ENTHD1: variants seen among roughly 807,000 people sequenced by gnomAD.
ENTHD1 encodes the protein ENTH domain-containing protein 1.
ENTHD1 carries 23 observed loss-of-function variants against 39.1 expected under a neutral mutation model. The observed-to-expected ratio is 0.59, with a 90% CI of 0.42 to 0.83. The LOEUF is 0.83. Ranked by LOEUF, ENTHD1 falls within the 40% of genes least tolerant of loss-of-function variation. The probability of loss-of-function intolerance (pLI) is 0.00; values close to 1 mark genes in which losing one functional copy is unlikely to be tolerated. For synonymous variants in ENTHD1, 230 were observed against 258.2 expected (o/e 0.89, Z 1.05); for missense variants, 624 against 705.4 (o/e 0.88, Z 1.31).
At chr22:39,881,980 A>G (rs1361867157) in intron 2 of ENTHD1, among the ~76,000 whole-genome samples, 1 of 152,218 alleles carries the variant, frequency 6.6e-6, no homozygotes, top group African/African-American at 2.4e-5. Context: ...TAACTAGGGC[A>G]GACTCCAGAT....
At chr22:39,881,388 G>A (rs1043581030) in intron 2 of ENTHD1, among the ~76,000 whole-genome samples, 31 of 152,164 alleles carry the variant, frequency 2.0e-4, no homozygotes, top group Non-Finnish European at 1.8e-4. Context: ...TAAATTCAGA[G>A]ATATATCACC....
In ENTHD1 at chr22:39,887,694, T is replaced by C; in HGVS notation, c.55A>G (p.Ile19Val). Residue 19 changes from isoleucine (I) to valine (V), a missense_variant, in exon 2 of 7, where the codon ATA (isoleucine) becomes GTA (valine). Transcript: ENST00000325157. ...TTAGAAGTTGCTTCCCTGACTTTTA[T>C]TTCAGCATCTGAGTAATTTTTCACA... ...NFVKNYSDAE[I>V]KVREATSNDP... The C allele has an allele frequency of 1.9e-6, 3 of 1,596,558 alleles. No individual in the cohort carries two copies. The highest frequency in any genetic ancestry group is 2.6e-6 in the Non-Finnish European group (3 of 1,172,992).
intron 6 of ENTHD1, among the ~76,000 whole-genome samples, chr22:39,757,979 TCC>T: frequency 6.6e-6 from 1 of 152,280 alleles, no homozygotes; most frequent in East Asian, 1.9e-4. Context: ...TCCTGAGGCC[TCC>T]CCAGCCATGA....
At chr22:39,794,578 G>A (rs2065531652) in intron 5 of ENTHD1, among the ~76,000 whole-genome samples, 1 of 152,018 alleles carries the variant, frequency 6.6e-6, no homozygotes, top group African/African-American at 2.4e-5. Flanking sequence ...TGAGGCAGAT[G>A]GATCACGAGG....
chr22:39,882,159 G>A (rs1177644079), intron 2 of ENTHD1, among the ~76,000 whole-genome samples: 1 of 151,940 alleles, frequency 6.6e-6, no homozygotes, highest in African/African-American at 2.4e-5. Context: ...ACTCTGTGCA[G>A]GCCTGATGGT....
chr22:39,832,127 C>A (rs2065873945), intron 4 of ENTHD1, among the ~76,000 whole-genome samples: 1 of 151,992 alleles, frequency 6.6e-6, no homozygotes, highest in South Asian at 2.1e-4. Context: ...AGACTAGCCT[C>A]GGCAATATAG....
intron 5 of ENTHD1, among the ~76,000 whole-genome samples, chr22:39,782,417 T>TA (rs970603795): frequency 4.7e-4 from 70 of 147,646 alleles, no homozygotes; most frequent in South Asian, 1.5e-3. Context: ...CTCAAACTCT[T>TA]AAAAAAAAAA....
At chr22:39,869,851 A>C (rs1429633141) in intron 2 of ENTHD1, among the ~76,000 whole-genome samples, 2 of 152,126 alleles carry the variant, frequency 1.3e-5, no homozygotes, top group African/African-American at 4.8e-5. Flanking sequence ...GAACAGATGG[A>C]TATGAAAAAA....
At chr22:39,782,617 T>TA (rs1253893122) in intron 5 of ENTHD1, among the ~76,000 whole-genome samples, 1 of 152,176 alleles carries the variant, frequency 6.6e-6, no homozygotes, top group Non-Finnish European at 1.5e-5. Flanking sequence ...TTCACCATGA[T>TA]AAGTGAGGTT....
rs1334172683 is a variant in ENTHD1 at position 39,744,179 on chromosome 22, C to A, written c.1324G>T (p.Ala442Ser). 4 of 1,613,850 alleles carry A rather than the reference C, an allele frequency of 2.5e-6. No individual in the cohort carries two copies. In the African/African-American group the frequency reaches 4.0e-5, roughly 16 times the overall value. The change falls in exon 7 of 7, where the codon GCC becomes TCC. Residue 442 changes from alanine to serine, a missense_variant. By Grantham distance (99) the Ala-to-Ser change is moderately conservative (BLOSUM62 1). Coordinates refer to ENST00000325157, the MANE Select transcript of ENTHD1 (RefSeq NM_152512.4). ...GACAGAGTCCAGAAGGAAGGTCCGG[C>A]CAGAATTGGTGATAAGAGATGAGCT... ...KSAHLLSPIL[A>S]GPSFWTLSHQ...
intron 2 of ENTHD1, among the ~76,000 whole-genome samples, chr22:39,885,343 A>G (rs2066371243): frequency 6.6e-6 from 1 of 152,228 alleles, no homozygotes; most frequent in Non-Finnish European, 1.5e-5. Context: ...ACAACAAAAA[A>G]GGATAATAAC....
At chr22:39,846,987 G>C (rs537224895) in intron 3 of ENTHD1, among the ~76,000 whole-genome samples, 1 of 151,612 alleles carries the variant, frequency 6.6e-6, no homozygotes, top group Non-Finnish European at 1.5e-5. Context: ...TCAGTGTGGC[G>C]ATTCCTCAGG....
At chr22:39,856,657 A>T (rs1362023903) in intron 3 of ENTHD1, among the ~76,000 whole-genome samples, 1 of 152,052 alleles carries the variant, frequency 6.6e-6, no homozygotes, top group Non-Finnish European at 1.5e-5. Flanking sequence ...AACATACTTA[A>T]AAGCACATGG....
intron 3 of ENTHD1, among the ~76,000 whole-genome samples, chr22:39,848,203 T>G (rs748238118): frequency 5.3e-5 from 8 of 152,340 alleles, no homozygotes; most frequent in Non-Finnish European, 1.2e-4. Flanking sequence ...TCTGACTCCC[T>G]CTTCGGCCAC....
At chr22:39,840,646 A>G (rs2065936623) in intron 3 of ENTHD1, among the ~76,000 whole-genome samples, 1 of 152,264 alleles carries the variant, frequency 6.6e-6, no homozygotes, top group Admixed American at 6.5e-5. Flanking sequence ...AGGAAGAGCT[A>G]GTAAGATCTA....
chr22:39,783,721 T>C (rs2065431011), intron 5 of ENTHD1, among the ~76,000 whole-genome samples: 2 of 151,994 alleles, frequency 1.3e-5, no homozygotes, highest in South Asian at 4.2e-4. Flanking sequence ...ATTAGATCCC[T>C]ATCTCTCGCT....
At position 39,748,228 on chromosome 22, in the gene ENTHD1, A is replaced by C. The variant is rs546256535; in HGVS notation, c.1220-3945T>G. On this transcript the variant is annotated intron_variant, in intron 6 of 6. Transcript: ENST00000325157. ...CATGCCAGGGCGCTCCAACCTGGGC[A>C]AAAGGGTGAGACCCTGTCTCCAAAA... is the stretch of plus-strand genomic sequence containing the variant. Among the ~76,000 whole-genome samples, 5 of 151,486 alleles carry C rather than the reference A, an allele frequency of 3.3e-5. No individual in the cohort carries two copies. The East Asian group carries it at 9.7e-4, about 29-fold the overall frequency.
At chr22:39,886,130 T>C (rs934750285) in intron 2 of ENTHD1, among the ~76,000 whole-genome samples, 1 of 152,026 alleles carries the variant, frequency 6.6e-6, no homozygotes, top group African/African-American at 2.4e-5. Flanking sequence ...GAATCTTAAG[T>C]ACATATTGCC....
rs139301765 is a variant in ENTHD1, at chr22:39,744,037, T to C, written c.1466A>G (p.Asn489Ser). 85 of 1,614,190 alleles carry C rather than the reference T, an allele frequency of 5.3e-5. 1 individual carries two copies. In the African/African-American group the frequency reaches 9.6e-4, roughly 18 times the overall value. Residue 489 changes from asparagine (N) to serine (S), a missense_variant, in exon 7 of 7, where the codon AAT becomes AGT. Coordinates refer to ENST00000325157, the MANE Select transcript of ENTHD1 (RefSeq NM_152512.4). The stretch of plus-strand genomic sequence containing the variant: ...GTTATTTGGAAGAATTCCCAGTAGA[T>C]TGAGGCTATCATTTTCCTCTACATC... ...SSDVEENDSL[N>S]LLGILPNNSD...
Sources: gnomAD v4.1 joint callset for allele counts (sites outside exome capture counted in the v4.1 genomes callset) on GRCh38, gnomAD v4.1.1 for gene constraint, MANE v1.5 for transcripts, NCBI Gene and HGNC (gene_info 2026-07-23, HGNC 2026-07-21) for gene names.